The following RHEX variants were observed in gnomAD, a reference collection of about 807,000 sequenced individuals.
RHEX encodes regulator of hemoglobinization and erythroid cell expansion.
Under a neutral mutation model 20.1 loss-of-function variants are expected in RHEX, and 18 were observed. The ratio of observed to expected loss-of-function variants is 0.90; its 90% CI spans 0.62 to 1.33. RHEX has a LOEUF of 1.33. Ranked by LOEUF, RHEX falls within the 40% of genes most tolerant of loss-of-function variation. The probability of loss-of-function intolerance (pLI) is 0.00; values close to 1 mark genes in which losing one functional copy is unlikely to be tolerated. For synonymous variants in RHEX, 87 were observed against 77.1 expected, an observed-to-expected ratio of 1.13 and a Z score of -0.67; for missense variants, 192 against 214.3, an observed-to-expected ratio of 0.90 and a Z score of 0.65.
chr1:206,054,571 T>A (rs1662150245), intron 1 of RHEX, among the ~76,000 whole-genome samples: 1 of 152,258 alleles, frequency 6.6e-6, no homozygotes, highest in African/African-American at 2.4e-5. Context: ...AAAGGTATCA[T>A]CCAGTTTTTC....
intron 1 of RHEX, chr1:206,056,551 A>C (rs1662198475): frequency 6.6e-6 from 1 of 152,276 alleles, no homozygotes; most frequent in South Asian, 2.1e-4. Flanking sequence ...GTATAATGCT[A>C]TTCTATCCAA....
At chr1:206,058,205 T>G (rs1353326382) in intron 1 of RHEX, among the ~76,000 whole-genome samples, 1 of 152,244 alleles carries the variant, frequency 6.6e-6, no homozygotes, top group Non-Finnish European at 1.5e-5. Context: ...ACTCTTATAA[T>G]AAGAGTAATA....
chr1:206,092,538 C>A (rs58681054), intron 1 of RHEX, among the ~76,000 whole-genome samples: 13,032 of 152,116 alleles, frequency 0.086, 768 homozygotes, highest in East Asian at 0.27. Flanking sequence ...AAACTTATTT[C>A]TTGTTATTTT....
chr1:206,087,551 GA>G (rs777297405), intron 1 of RHEX, among the ~76,000 whole-genome samples: 5 of 152,284 alleles, frequency 3.3e-5, no homozygotes, highest in South Asian at 2.1e-4. Flanking sequence ...ATGAACTCTT[GA>G]AAGTACAAAT....
At chr1:206,080,585 A>C (rs1197658624) in intron 1 of RHEX, among the ~76,000 whole-genome samples, 1 of 152,182 alleles carries the variant, frequency 6.6e-6, no homozygotes, top group Non-Finnish European at 1.5e-5. Context: ...GTGATAAACC[A>C]TCAAAAAGAG....
In RHEX at chr1:206,101,145, A is replaced by G. The variant is rs782495496; in HGVS notation, c.266A>G (p.Asp89Gly). The G allele has an allele frequency of 6.2e-7, 1 of 1,612,782 alleles. No individual in the cohort carries two copies. Among genetic ancestry groups the G allele is most frequent in the Admixed American group, 1.7e-5 (1 of 59,728 alleles). ...MSDSLYRHDS[D>G]TPSDSLDSSC... ...TTCTATTTCTCCCCAGATGACAGCG[A>G]CACACCCTCAGATAGCTTGGATAGC... is the stretch of plus-strand genomic sequence containing the variant. Residue 89 changes from aspartate to glycine, a missense_variant, in exon 5 of 6, where the codon GAC becomes GGC. By Grantham distance (94) the Asp-to-Gly change is moderately conservative. Transcript: ENST00000331555.
At chr1:206,076,524 G>A (rs964528602) in intron 1 of RHEX, among the ~76,000 whole-genome samples, 9 of 152,152 alleles carry the variant, frequency 5.9e-5, no homozygotes, top group African/African-American at 9.7e-5. Context: ...TCACGCCCAC[G>A]GCAGGGAAGT....
At chr1:206,071,546 C>CAAAAAAA (rs35408708) in intron 1 of RHEX, among the ~76,000 whole-genome samples, 2 of 95,894 alleles carry the variant, frequency 2.1e-5, no homozygotes, top group Non-Finnish European at 2.3e-5. Context: ...GTTGAAAATG[C>CAAAAAAA]AAAAAAAAAA....
At position 206,082,314 on chromosome 1, in the gene RHEX, G is replaced by C. The variant is rs138372654; in HGVS notation, c.-96-15419G>C. On this transcript the variant is annotated intron_variant, in intron 1 of 5. Transcript: ENST00000331555. ...GGGTGAAGCACGATGTCAGGAGTTT[G>C]AGACCAGCTCCTGACCAGCATGATG... 8.5e-5 allele frequency among the ~76,000 whole-genome samples: 13 copies of C among 152,172 alleles called. No individual in the cohort carries two copies. In the East Asian group the frequency reaches 2.3e-3, roughly 27 times the overall value.
rs1212622253 is a variant in RHEX at position 206,096,781 on chromosome 1, G to GTTTTTTTTTT, written c.-96-950_-96-941dup. Reference sequence around the variant, plus strand: ...AAGTCCCCTGTTTTTTTTTTTTTTGGTTTTTTTTTTTGAGACAGGGTCTTG... The same window carrying GTTTTTTTTTT: ...AAGTCCCCTGTTTTTTTTTTTTTTGGTTTTTTTTTTTTTTTTTTTTTGAGACAGGGTCTTG... On this transcript the variant is annotated intron_variant, in intron 1 of 5. Transcript: ENST00000331555. Among the ~76,000 whole-genome samples the GTTTTTTTTTT allele has an allele frequency of 7.5e-5, 10 of 132,924 alleles. 1 individual carries two copies. The highest frequency in any genetic ancestry group is 1.8e-4 in the African/African-American group (6 of 33,834). 87.2% of individuals were successfully genotyped at this position (132,924 alleles called of 152,430 possible).
intron 1 of RHEX, among the ~76,000 whole-genome samples, chr1:206,090,558 TTTCCCAGATACA>T (rs1662929455): frequency 2.0e-5 from 3 of 152,128 alleles, no homozygotes; most frequent in African/African-American, 7.2e-5. Context: ...GTTCTTGTGT[TTTCCCAGATACA>T]TTTTAGAGTA....
At chr1:206,089,674 A>G (rs1662908752) in intron 1 of RHEX, among the ~76,000 whole-genome samples, 1 of 151,456 alleles carries the variant, frequency 6.6e-6, no homozygotes, top group Admixed American at 6.6e-5. Flanking sequence ...TTTCTTAAAA[A>G]TTTATATAAA....
intron 1 of RHEX, among the ~76,000 whole-genome samples, chr1:206,090,814 A>AT (rs1237629720): frequency 6.6e-6 from 1 of 151,956 alleles, no homozygotes; most frequent in Non-Finnish European, 1.5e-5. Context: ...ATCTCATGGT[A>AT]TTTTTCCCCA....
intron 3 of RHEX, 29 bp downstream of exon 3, chr1:206,098,210 T>C (rs1553287987): frequency 6.8e-7 from 1 of 1,474,574 alleles, no homozygotes; most frequent in Non-Finnish European, 9.5e-7. Flanking sequence ...TCTTCCCTCC[T>C]AGTCACTCTC....
chr1:206,070,889 G>T (rs1228930859), intron 1 of RHEX, among the ~76,000 whole-genome samples: 2 of 152,030 alleles, frequency 1.3e-5, no homozygotes, highest in Non-Finnish European at 2.9e-5. Flanking sequence ...ATAAGTCCAG[G>T]CTTTCTCACC....
intron 1 of RHEX, among the ~76,000 whole-genome samples, chr1:206,089,732 G>GTT (rs35286804): frequency 6.2e-5 from 9 of 145,336 alleles, no homozygotes; most frequent in African/African-American, 2.3e-4. Flanking sequence ...ACTAGTTTCA[G>GTT]TTTTTTTTTT....
chr1:206,082,265 C>A (rs1379380264), intron 1 of RHEX, among the ~76,000 whole-genome samples: 1 of 152,046 alleles, frequency 6.6e-6, no homozygotes, highest in Non-Finnish European at 1.5e-5. Context: ...TGTCTGTAAT[C>A]CCAGTACTTT....
At chr1:206,095,028 G>A (rs1663036918) in intron 1 of RHEX, among the ~76,000 whole-genome samples, 1 of 152,078 alleles carries the variant, frequency 6.6e-6, no homozygotes, top group Non-Finnish European at 1.5e-5. Flanking sequence ...ACACTGGCCT[G>A]TTACACTGGG....
rs1663206532 is a variant in RHEX, at chr1:206,102,202, ATGCCCCGGCAAGAAAGG to A, written c.*252_*268del. ...AAGGCTTGGCTGGGAAAACAGGCCA[ATGCCCCGGCAAGAAAGG>A]TTGAGATCAGATGTTAGGAAGAACT... On this transcript the variant is annotated 3_prime_UTR_variant, in exon 6 of 6. Transcript: ENST00000331555. The A allele has an allele frequency of 1.9e-6, 1 of 522,884 alleles. No individual in the cohort carries two copies. The highest frequency in any genetic ancestry group is 3.4e-6 in the Non-Finnish European group (1 of 292,824). 32.4% of individuals were successfully genotyped at this position (522,884 alleles called of 1,614,324 possible).
Sources: allele counts gnomAD v4.1 joint callset (sites outside exome capture counted in the v4.1 genomes callset), GRCh38; gene constraint gnomAD v4.1.1; transcripts MANE v1.5; gene names NCBI Gene and HGNC (gene_info 2026-07-23, HGNC 2026-07-21).